Variants in EVC2 observed in about 807,000 individuals in gnomAD.
EVC2 encodes EvC ciliary complex subunit 2, also known as limbin.
Under a neutral mutation model 149.3 loss-of-function variants are expected in EVC2, and 148 were observed. The observed-to-expected ratio is 0.99, with a 90% CI of 0.87 to 1.14. EVC2 has a LOEUF of 1.14. Ranked by LOEUF, EVC2 falls within the 50% of genes most tolerant of loss-of-function variation. The pLI, the probability that EVC2 is intolerant of heterozygous loss-of-function variation, is 0.00. For synonymous variants in EVC2, 776 were observed against 649.9 expected (o/e 1.19, Z -2.95); for missense variants, 1,854 against 1,627.3 (o/e 1.14, Z -2.40).
rs754218861 is a variant in EVC2 at position 5,708,542 on chromosome 4, G to A, written c.-29C>T. 3.6e-6 allele frequency: 5 copies of A among 1,390,150 alleles called. No individual in the cohort carries two copies. In the South Asian group the frequency reaches 6.1e-5, roughly 17 times the overall value. The allele number at this position is 1,390,150 out of a possible 1,614,324, so 86.1% of individuals were successfully genotyped here. On this transcript the variant is annotated 5_prime_UTR_variant, in exon 1 of 22. Transcript: ENST00000344408. ...CTGTCGGGACCCGCTACCTCAAAGC[G>A]GCGGGTGCCGCCGAGTCGCTGGAGC...
intron 4 of EVC2, 69 bp from the exon 5 acceptor site, chr4:5,689,412 G>A (rs1720953800): frequency 2.0e-6 from 3 of 1,532,586 alleles, no homozygotes; most frequent in East Asian, 2.3e-5. Flanking sequence ...TGGGGCATGA[G>A]CCCAGCCTGT....
upstream of EVC2, chr4:5,708,682 G>A: frequency 2.0e-6 from 1 of 498,154 alleles, no homozygotes; most frequent in Non-Finnish European, 3.4e-6. Flanking sequence ...GTGCCGGACG[G>A]GCGTGGGAGG....
chr4:5,586,076 G>T (rs1481011279), intron 16 of EVC2, among the ~76,000 whole-genome samples: 1 of 152,096 alleles, frequency 6.6e-6, no homozygotes, highest in East Asian at 1.9e-4. Flanking sequence ...TGCCCAGGCT[G>T]GTCTCGAACG....
rs76483359 is a variant in EVC2 at position 5,604,871 on chromosome 4, G to A, written c.2829+10551C>T. Among the ~76,000 whole-genome samples, 524 of 151,180 alleles carry A rather than the reference G, an allele frequency of 3.5e-3. 5 individuals carry two copies. The highest frequency in any genetic ancestry group is 0.012 in the African/African-American group (499 of 41,198). ...TTTAAGTTACACTGAGGGTGCCTGCGTTTCCTGCCTCCCCTTCCACCTCCT... is the reference window on the plus strand; with the variant it reads ...TTTAAGTTACACTGAGGGTGCCTGCATTTCCTGCCTCCCCTTCCACCTCCT... On this transcript the variant is annotated intron_variant, in intron 16 of 21. Transcript: ENST00000344408.
intron 10 of EVC2, among the ~76,000 whole-genome samples, chr4:5,634,391 A>G (rs1025521250): frequency 2.6e-5 from 4 of 152,208 alleles, no homozygotes; most frequent in Non-Finnish European, 5.9e-5. Flanking sequence ...ATGTCGGTTC[A>G]TCCATCAAAG....
Position 5,614,404 on chromosome 4 carries a change from T to C in EVC2, c.2829+1018A>G, listed in dbSNP as rs563750581. ...AACTGACACAGCGCCTGGGACACTG[T>C]TGCCTCCCCAAAATACTTGTGGAAC... On this transcript the variant is annotated intron_variant, in intron 16 of 21. Transcript: ENST00000344408. The surrounding 1 kb of genome is among the most constrained non-coding windows in gnomAD (Gnocchi z 4.7). Among the ~76,000 whole-genome samples the C allele has an allele frequency of 1.2e-3, 186 of 152,162 alleles. 1 individual carries two copies. The highest frequency in any genetic ancestry group is 1.4e-3 in the Non-Finnish European group (92 of 67,990).
At chr4:5,563,172 G>A in intron 21 of EVC2, 57 bp from the exon 22 acceptor site, 1 of 1,532,898 alleles carries the variant, frequency 6.5e-7, no homozygotes, top group Non-Finnish European at 8.9e-7. Flanking sequence ...CCTCTGGAGT[G>A]TTCTGAGTTC....
intron 5 of EVC2, among the ~76,000 whole-genome samples, chr4:5,688,057 G>A (rs746857416): frequency 6.6e-6 from 1 of 152,210 alleles, no homozygotes; most frequent in Non-Finnish European, 1.5e-5. Context: ...TAAGAATAGC[G>A]GATTCATCTT....
At chr4:5,648,767 T>A (rs907784835) in intron 9 of EVC2, among the ~76,000 whole-genome samples, 4 of 152,174 alleles carry the variant, frequency 2.6e-5, no homozygotes, top group African/African-American at 9.7e-5. Flanking sequence ...GTTTTAATGT[T>A]AATCACTATA....
At chr4:5,581,206 G>A (rs909125677) in intron 17 of EVC2, among the ~76,000 whole-genome samples, 27 of 152,214 alleles carry the variant, frequency 1.8e-4, no homozygotes, top group African/African-American at 5.1e-4. Context: ...AATTGGTACT[G>A]AGGAGTGGAC....
intron 9 of EVC2, among the ~76,000 whole-genome samples, chr4:5,645,901 G>A (rs1182375825): frequency 3.9e-5 from 6 of 152,098 alleles, no homozygotes; most frequent in African/African-American, 7.2e-5. Flanking sequence ...CATTCTTTTT[G>A]CTCCACAACC....
At chr4:5,642,952 T>C (rs1033468734) in intron 9 of EVC2, among the ~76,000 whole-genome samples, 3 of 152,234 alleles carry the variant, frequency 2.0e-5, no homozygotes, top group Non-Finnish European at 2.9e-5. Context: ...ATTTTACCCA[T>C]GAACACCTCA....
At chr4:5,535,625 G>GAGAGAGAGACAT in the EVC2 span, among the ~76,000 whole-genome samples, 1 of 150,450 alleles carries the variant, frequency 6.6e-6, no homozygotes, top group African/African-American at 2.5e-5. This position sits in a 1 kb window ranked among gnomAD's most constrained non-coding sequence, Gnocchi z 4.7. Flanking sequence ...GAGAGAGAGA[G>GAGAGAGAGACAT]AGAGAGAGAA....
chr4:5,583,643 C>T (rs185270075), intron 17 of EVC2, among the ~76,000 whole-genome samples: 1 of 151,708 alleles, frequency 6.6e-6, no homozygotes, highest in East Asian at 1.9e-4. Context: ...TAAAGTTGTT[C>T]ATAACATTCT....
chr4:5,671,562 A>C (rs1442844202), intron 7 of EVC2, among the ~76,000 whole-genome samples: 1 of 152,192 alleles, frequency 6.6e-6, no homozygotes, highest in East Asian at 1.9e-4. Flanking sequence ...CCCAGGCTGG[A>C]GTGCAATGGC....
Position 5,563,114 on chromosome 4 carries a change from T to A in EVC2, c.3661A>T (p.Ile1221Leu). 6.2e-7 allele frequency: 1 copy of A among 1,613,260 alleles called. No individual in the cohort carries two copies. Among genetic ancestry groups the A allele is most frequent in the Non-Finnish European group, 8.5e-7 (1 of 1,179,920 alleles). The change falls in exon 22 of 22, where the codon ATA becomes TTA. Residue 1221 changes from isoleucine (I) to leucine (L), a missense_variant and splice_region_variant. Physicochemically the swap from Ile to Leu is conservative, Grantham distance 5 (BLOSUM62 2). Coordinates refer to ENST00000344408, the MANE Select transcript of EVC2 (RefSeq NM_147127.5). Reference sequence around the variant, plus strand: ...AGAGGGAGACATGTCTTCTTTAATATGCTAAAGAAATAGCAAAAGATCAAA... The same window carrying A: ...AGAGGGAGACATGTCTTCTTTAATAAGCTAAAGAAATAGCAAAAGATCAAA... ...MLWARKRKQS[I>L]LKKTCLPLRE...
chr4:5,635,783 A>G (rs1328853286), intron 10 of EVC2, among the ~76,000 whole-genome samples: 1 of 152,178 alleles, frequency 6.6e-6, no homozygotes, highest in Non-Finnish European at 1.5e-5. Context: ...CCAGGGCAAG[A>G]CATCTGCTGG....
At chr4:5,655,064 C>T (rs146017716) in intron 9 of EVC2, among the ~76,000 whole-genome samples, 1 of 152,278 alleles carries the variant, frequency 6.6e-6, no homozygotes, top group African/African-American at 2.4e-5. Flanking sequence ...GTGTTTGTCA[C>T]ACAGAACTCC....
chr4:5,565,175 G>T, intron 21 of EVC2, 83 bp downstream of exon 21: 1 of 1,333,938 alleles, frequency 7.5e-7, no homozygotes, highest in Non-Finnish European at 1.1e-6. Flanking sequence ...TCCTTTCCTT[G>T]TCACCTCCTG....
Sources: allele counts gnomAD v4.1 joint callset (sites outside exome capture counted in the v4.1 genomes callset), GRCh38; gene constraint gnomAD v4.1.1; non-coding constraint Gnocchi (gnomAD v3.1); transcripts MANE v1.5; gene names NCBI Gene and HGNC (gene_info 2026-07-23, HGNC 2026-07-21).